The following FHIT variants were observed in gnomAD, a reference collection of about 807,000 sequenced individuals.
FHIT encodes the protein fragile histidine triad diadenosine triphosphatase, also known as bis(5'-adenosyl)-triphosphatase.
FHIT carries 19 observed loss-of-function variants against 17.9 expected under a neutral mutation model. The observed-to-expected ratio is 1.06, with a 90% confidence interval of 0.74 to 1.56. FHIT has a LOEUF of 1.56. FHIT is among the 40% of genes most tolerant of loss of function. FHIT has a pLI of 0.00. For synonymous variants in FHIT, 81 were observed against 69.7 expected (o/e 1.16, Z -0.81); for missense variants, 248 against 189.2 (o/e 1.31, Z -1.82).
At chr3:60,289,426 G>A (rs1418121878) in intron 5 of FHIT, among the ~76,000 whole-genome samples, 2 of 152,086 alleles carry the variant, frequency 1.3e-5, no homozygotes, top group Admixed American at 6.6e-5. Flanking sequence ...TCCATTCCAT[G>A]GCTCAAAGAT....
chr3:61,121,246 C>T (rs1204758138), intron 2 of FHIT, among the ~76,000 whole-genome samples: 1 of 152,088 alleles, frequency 6.6e-6, no homozygotes, highest in East Asian at 1.9e-4. Context: ...ACAGAGAACG[C>T]CACAAATATA....
intron 2 of FHIT, among the ~76,000 whole-genome samples, chr3:61,165,084 T>C (rs1015611459): frequency 6.6e-6 from 1 of 152,226 alleles, no homozygotes; most frequent in Non-Finnish European, 1.5e-5. Context: ...CTATTGTGAA[T>C]AGTGCTGCAT....
intron 5 of FHIT, among the ~76,000 whole-genome samples, chr3:60,526,137 TAC>T (rs59137290): frequency 0.28 from 41,945 of 148,016 alleles, 6,538 homozygotes; most frequent in South Asian, 0.41. Flanking sequence ...ACACAACACA[TAC>T]ACACACACAC....
In FHIT at chr3:61,118,375, G is replaced by A. The variant is rs552442088; in HGVS notation, c.-163-76276C>T. Among the ~76,000 whole-genome samples, 18 of 150,464 alleles carry A rather than the reference G, an allele frequency of 1.2e-4. No homozygotes were observed. In the East Asian group the frequency reaches 3.5e-3, roughly 29 times the overall value. On this transcript the variant is annotated intron_variant, in intron 2 of 9. Coordinates refer to ENST00000492590, the MANE Select transcript of FHIT (RefSeq NM_002012.4). ...GTCTGAGATGTGAGCAGAGCAAGAA[G>A]GACCCATGTTCACTGGAGGATCTTT...
intron 3 of FHIT, among the ~76,000 whole-genome samples, chr3:60,831,768 G>A (rs1702337608): frequency 6.6e-6 from 1 of 152,114 alleles, no homozygotes; most frequent in Non-Finnish European, 1.5e-5. Context: ...CAGCTGCTCT[G>A]AGTGATGGGT....
At chr3:60,737,679 G>C (rs147449763) in intron 4 of FHIT, among the ~76,000 whole-genome samples, 1 of 152,278 alleles carries the variant, frequency 6.6e-6, no homozygotes, top group African/African-American at 2.4e-5. Context: ...CCATTTAATA[G>C]ATGGAGGAAC....
In FHIT at chr3:60,441,724, T is replaced by TTATATATA. The variant is rs1553772800; in HGVS notation, c.103+95135_103+95136insTATATATA. ...TATTTATATATATATATATATATATTTGTATTTATATATATATATTTATAT... is the reference window on the plus strand; with the variant it reads ...TATTTATATATATATATATATATATTTATATATATGTATTTATATATATATATTTATAT... On this transcript the variant is annotated intron_variant, in intron 5 of 9. Transcript: ENST00000492590. Among the ~76,000 whole-genome samples, 292 of 62,958 alleles carry TTATATATA rather than the reference T, an allele frequency of 4.6e-3. 19 individuals are homozygous for TTATATATA. The highest frequency in any genetic ancestry group is 0.018 in the East Asian group (27 of 1,460). 41.3% of individuals were successfully genotyped at this position (62,958 alleles called of 152,430 possible).
chr3:59,841,801 C>T (rs1352770473), intron 8 of FHIT, among the ~76,000 whole-genome samples: 1 of 152,092 alleles, frequency 6.6e-6, no homozygotes, highest in African/African-American at 2.4e-5. Context: ...GAAAACCAAT[C>T]GTGCATTGAG....
chr3:60,364,977 T>G, intron 5 of FHIT, among the ~76,000 whole-genome samples: 1 of 151,754 alleles, frequency 6.6e-6, no homozygotes, highest in Non-Finnish European at 1.5e-5. Context: ...GAATAGATCA[T>G]GAGACTTCTC....
At chr3:60,949,420 A>G (rs1708782456) in intron 3 of FHIT, among the ~76,000 whole-genome samples, 1 of 152,230 alleles carries the variant, frequency 6.6e-6, no homozygotes, top group Admixed American at 6.5e-5. Context: ...GTACAAAAAG[A>G]AACACAACGC....
chr3:60,750,927 A>G (rs546678256), intron 4 of FHIT, among the ~76,000 whole-genome samples: 33 of 152,224 alleles, frequency 2.2e-4, no homozygotes, highest in African/African-American at 7.7e-4. Context: ...TCTTAATACT[A>G]AAGCCTTCTT....
At chr3:59,772,306 C>T (rs781732112) in intron 8 of FHIT, among the ~76,000 whole-genome samples, 8 of 152,336 alleles carry the variant, frequency 5.3e-5, no homozygotes, top group African/African-American at 1.2e-4. Context: ...TTATCACCCA[C>T]GCTATTAGGC....
chr3:60,579,955 T>G lies in FHIT; in HGVS notation c.-17-42976A>C, dbSNP rs547772643. On this transcript the variant is annotated intron_variant, in intron 4 of 9. Transcript: ENST00000492590. The stretch of plus-strand genomic sequence containing the variant: ...CTAAATGGAGCATGAGTCATTTGAG[T>G]AATGAGTCAGAAAATGTCTAGCAGC... Among the ~76,000 whole-genome samples the G allele has an allele frequency of 1.7e-3, 265 of 152,174 alleles. 1 individual carries two copies. Among genetic ancestry groups the G allele is most frequent in the Non-Finnish European group, 3.1e-3 (213 of 68,004 alleles).
At chr3:61,179,008 C>CTTTTTTTTTTTTTTTTTTTT (rs778191387) in intron 2 of FHIT, among the ~76,000 whole-genome samples, 1 of 127,626 alleles carries the variant, frequency 7.8e-6, no homozygotes, top group African/African-American at 3.1e-5. Context: ...TTTTCTTTTT[C>CTTTTTTTTTTTTTTTTTTTT]TTTTTTTTTT....
At chr3:60,363,523 T>C (rs1699986715) in intron 5 of FHIT, among the ~76,000 whole-genome samples, 1 of 152,204 alleles carries the variant, frequency 6.6e-6, no homozygotes, top group Non-Finnish European at 1.5e-5. Context: ...ACTGCCGCTA[T>C]CCCTGTTTTA....
intron 5 of FHIT, among the ~76,000 whole-genome samples, chr3:60,491,556 T>C (rs1307869396): frequency 2.0e-5 from 3 of 152,228 alleles, no homozygotes; most frequent in Admixed American, 1.3e-4. Context: ...AATCAATTCA[T>C]ATAACATGCC....
intron 5 of FHIT, among the ~76,000 whole-genome samples, chr3:60,109,623 G>T (rs969202544): frequency 1.3e-5 from 2 of 152,142 alleles, no homozygotes; most frequent in Non-Finnish European, 2.9e-5. Flanking sequence ...GAAGCAAGTG[G>T]TTAATGGTTT....
At chr3:60,987,023 T>C (rs1189567887) in intron 3 of FHIT, among the ~76,000 whole-genome samples, 3 of 152,244 alleles carry the variant, frequency 2.0e-5, no homozygotes, top group East Asian at 3.8e-4. Context: ...ATGTCACTTG[T>C]ACCTCATATT....
chr3:60,364,811 A>G (rs1700043368), intron 5 of FHIT, among the ~76,000 whole-genome samples: 1 of 152,140 alleles, frequency 6.6e-6, no homozygotes, highest in Non-Finnish European at 1.5e-5. Flanking sequence ...GGGCTGAAAG[A>G]ACAAAAAGGT....
Sources: allele counts gnomAD v4.1 joint callset (sites outside exome capture counted in the v4.1 genomes callset), GRCh38; gene constraint gnomAD v4.1.1; transcripts MANE v1.5; gene names NCBI Gene and HGNC (gene_info 2026-07-23, HGNC 2026-07-21).